The following CACNG7 variants were observed in gnomAD, a reference collection of about 807,000 sequenced individuals.
CACNG7 encodes calcium voltage-gated channel auxiliary subunit gamma 7.
A neutral mutation model predicts 26.3 loss-of-function variants in CACNG7; 9 were observed. That is an observed-to-expected ratio of 0.34 (90% confidence interval 0.21 to 0.60). The LOEUF (loss-of-function observed/expected upper bound fraction) is 0.60, where lower values mean the gene tolerates loss of function less well. Ranked by LOEUF, CACNG7 falls within the 20% of genes least tolerant of loss-of-function variation. The pLI is 0.81. For missense variants in CACNG7, 297 were observed against 380.4 expected (o/e 0.78, Z 1.82); for synonymous variants, 170 against 157.0 (o/e 1.08, Z -0.62).
chr19:53,919,661 G>C (rs1290586484), intron 4 of CACNG7, among the ~76,000 whole-genome samples: 1 of 129,286 alleles, frequency 7.7e-6, no homozygotes, highest in Non-Finnish European at 1.6e-5. Flanking sequence ...TGGTGGAGTT[G>C]TCCCCAGGCC....
chr19:53,916,177 C>T (rs575743002), intron 4 of CACNG7, among the ~76,000 whole-genome samples: 20 of 152,324 alleles, frequency 1.3e-4, no homozygotes, highest in African/African-American at 4.8e-4. Flanking sequence ...CTACACTTCA[C>T]CCTACTTACG....
At chr19:53,919,734 T>G (rs2068924823) in intron 4 of CACNG7, among the ~76,000 whole-genome samples, 1 of 122,866 alleles carries the variant, frequency 8.1e-6, no homozygotes, top group Non-Finnish European at 1.6e-5. Flanking sequence ...TGGTCATTGG[T>G]GGAGTTGCCC....
At position 53,920,673 on chromosome 19, in the gene CACNG7, CCCAGGTCTGGTCATTGGTGGACTTGCT is replaced by C. The variant is rs1568773583; in HGVS notation, c.424+5190_424+5216del. On this transcript the variant is annotated intron_variant, in intron 4 of 5. Coordinates refer to ENST00000391767, the MANE Select transcript of CACNG7 (RefSeq NM_031896.5). ...CCAGGCTGGTCATTGGTGGAGTTGC[CCCAGGTCTGGTCATTGGTGGACTTGCT>C]CCAGGTCTGGTCATTGGTGGAGCTG... 5.6e-4 allele frequency among the ~76,000 whole-genome samples: 65 copies of C among 115,734 alleles called. 2 individuals are homozygous for C. The highest frequency in any genetic ancestry group is 8.4e-4 in the Non-Finnish European group (50 of 59,532). The allele number at this position is 115,734 out of a possible 152,430, so 75.9% of individuals were successfully genotyped here. A position where few individuals can be genotyped will look rare whatever the true frequency, so the allele number is the denominator to read the frequency against.
rs938599718 is a variant in CACNG7 at position 53,942,894 on chromosome 19, G to C, written c.*601G>C. ...TGGAAGCCACGGGTACGGTTAACCTGGCCCTTCCCTCCCCATCTCCCCTAC... is the reference window on the plus strand; with the variant it reads ...TGGAAGCCACGGGTACGGTTAACCTCGCCCTTCCCTCCCCATCTCCCCTAC... On this transcript the variant is annotated 3_prime_UTR_variant, in exon 6 of 6. Transcript: ENST00000391767. This position sits in a 1 kb window ranked among gnomAD's most constrained non-coding sequence, Gnocchi z 5.9. 6.5e-6 allele frequency: 1 copy of C among 152,682 alleles called. No individual in the cohort carries two copies. Among genetic ancestry groups the C allele is most frequent in the African/African-American group, 2.4e-5 (1 of 41,442 alleles). The allele number at this position is 152,682 out of a possible 1,614,324, so 9.5% of individuals were successfully genotyped here. A position where few individuals can be genotyped will look rare whatever the true frequency, so the allele number is the denominator to read the frequency against.
intron 4 of CACNG7, among the ~76,000 whole-genome samples, chr19:53,933,645 G>A (rs60516548): frequency 6.6e-6 from 1 of 151,432 alleles, no homozygotes; most frequent in Admixed American, 6.6e-5. Flanking sequence ...AAGAAGCTTA[G>A]ATGGATGCAG....
chr19:53,942,407 G>A lies in CACNG7; in HGVS notation c.*114G>A, dbSNP rs934303218. 2.0e-6 allele frequency: 3 copies of A among 1,506,506 alleles called. No homozygotes were observed. The highest frequency in any genetic ancestry group is 2.7e-6 in the Non-Finnish European group (3 of 1,131,796). The allele number at this position is 1,506,506 out of a possible 1,614,324, so 93.3% of individuals were successfully genotyped here. ...GACTCCTCGCTCCCACCCGGAGGAG[G>A]CTGCGCCAGCTTTAGGCCCCGCCCT... On this transcript the variant is annotated 3_prime_UTR_variant, in exon 6 of 6. Coordinates refer to ENST00000391767, the MANE Select transcript of CACNG7 (RefSeq NM_031896.5). This position sits in a 1 kb window ranked among gnomAD's most constrained non-coding sequence, Gnocchi z 5.9.
At chr19:53,914,039 G>T (rs1270806074) in intron 2 of CACNG7, among the ~76,000 whole-genome samples, 1 of 151,930 alleles carries the variant, frequency 6.6e-6, no homozygotes, top group African/African-American at 2.4e-5. Flanking sequence ...ACTTTGGGGG[G>T]CCAAGGCAGG....
chr19:53,921,365 T>TCCCCAGGTCTGTTCATTGGTGGAGTTG (rs2068949365), intron 4 of CACNG7, among the ~76,000 whole-genome samples: 24 of 112,450 alleles, frequency 2.1e-4, no homozygotes, highest in African/African-American at 1.0e-3. Context: ...GGTGGAGTCG[T>TCCCCAGGTCTGTTCATTGGTGGAGTTG]CCCCAGGTCT....
intron 4 of CACNG7, among the ~76,000 whole-genome samples, chr19:53,920,466 TC>T (rs2068935094): frequency 2.0e-5 from 1 of 50,368 alleles, no homozygotes. Flanking sequence ...CGTCCCCAGG[TC>T]TGGTCATTGG....
At chr19:53,936,671 G>C (rs1290584116) in intron 4 of CACNG7, among the ~76,000 whole-genome samples, 1 of 151,438 alleles carries the variant, frequency 6.6e-6, no homozygotes, top group Admixed American at 6.6e-5. Context: ...TGCAGTGGTG[G>C]GATCTCGGCT....
intron 4 of CACNG7, 86 bp from the exon 5 acceptor site, chr19:53,941,384 G>A (rs1395399057): frequency 3.5e-6 from 5 of 1,415,618 alleles, no homozygotes; most frequent in Non-Finnish European, 4.7e-6. Flanking sequence ...ACAGAATGGG[G>A]AGGAGGGGAA....
intron 1 of CACNG7, among the ~76,000 whole-genome samples, chr19:53,910,027 A>C (rs2068852783): frequency 6.6e-6 from 1 of 152,142 alleles, no homozygotes; most frequent in African/African-American, 2.4e-5. Flanking sequence ...AGGGTCCCAA[A>C]GGAGGAAAGG....
Position 53,942,226 on chromosome 19 carries a change from T to G in CACNG7, c.761T>G (p.Met254Arg), listed in dbSNP as rs753780492. Residue 254 changes from methionine (M) to arginine (R), a missense_variant, in exon 6 of 6, where the codon ATG becomes AGG. Transcript: ENST00000391767. The surrounding 1 kb of genome is among the most constrained non-coding windows in gnomAD (Gnocchi z 5.9). ...SDISSDVSIQ[M>R]TQNYPPAIKY... Reference sequence around the variant, plus strand: ...ATCTCCAGCGACGTGTCCATCCAAATGACGCAGAACTACCCTCCCGCCATC... The same window carrying G: ...ATCTCCAGCGACGTGTCCATCCAAAGGACGCAGAACTACCCTCCCGCCATC... 5.0e-6 allele frequency: 8 copies of G among 1,613,896 alleles called. No individual in the cohort carries two copies. The highest frequency in any genetic ancestry group is 6.8e-6 in the Non-Finnish European group (8 of 1,179,910).
At position 53,939,066 on chromosome 19, in the gene CACNG7, G is replaced by A. The variant is rs2069122375; in HGVS notation, c.425-2404G>A. 6.6e-6 allele frequency among the ~76,000 whole-genome samples: 1 copy of A among 152,194 alleles called. No homozygotes were observed. Among genetic ancestry groups the A allele is most frequent in the South Asian group, 2.1e-4 (1 of 4,834 alleles). On this transcript the variant is annotated intron_variant, in intron 4 of 5. Coordinates refer to ENST00000391767, the MANE Select transcript of CACNG7 (RefSeq NM_031896.5). This position sits in a 1 kb window ranked among gnomAD's most constrained non-coding sequence, Gnocchi z 4.2. ...AAGGTCAGGAGTTTGAGACCAGCCT[G>A]GTCAACATTGTGAAGCCCTGTCTCT...
Position 53,942,233 on chromosome 19 carries a change from G to A in CACNG7, c.768G>A (p.Gln256=). 1 of 1,613,962 alleles carries A rather than the reference G, an allele frequency of 6.2e-7. No homozygotes were observed. Among genetic ancestry groups the A allele is most frequent in the Non-Finnish European group, 8.5e-7 (1 of 1,179,950 alleles). Reference sequence around the variant, plus strand: ...GCGACGTGTCCATCCAAATGACGCAGAACTACCCTCCCGCCATCAAGTACC... The same window carrying A: ...GCGACGTGTCCATCCAAATGACGCAAAACTACCCTCCCGCCATCAAGTACC... The part of the protein sequence containing the change: ...ISSDVSIQMT[Q]NYPPAIKYPD... The change falls in exon 6 of 6, where the codon CAG becomes CAA. Residue 256 remains glutamine, a synonymous_variant. Transcript: ENST00000391767. The surrounding 1 kb of genome is among the most constrained non-coding windows in gnomAD (Gnocchi z 5.9).
intron 4 of CACNG7, among the ~76,000 whole-genome samples, chr19:53,933,289 C>A (rs1285085037): frequency 6.7e-6 from 1 of 150,168 alleles, no homozygotes; most frequent in Non-Finnish European, 1.5e-5. Context: ...CGCCACCACG[C>A]CTGGCCAATT....
At chr19:53,923,965 G>C (rs551229909) in intron 4 of CACNG7, among the ~76,000 whole-genome samples, 31 of 138,840 alleles carry the variant, frequency 2.2e-4, no homozygotes, top group Non-Finnish European at 2.6e-4. Context: ...CCCAGGTCTG[G>C]TATTGGTGGA....
chr19:53,927,448 T>C (rs1164629461), intron 4 of CACNG7, among the ~76,000 whole-genome samples: 1 of 152,046 alleles, frequency 6.6e-6, no homozygotes, highest in African/African-American at 2.4e-5. Context: ...GACAGCTAAG[T>C]TGATGCCGAA....
intron 1 of CACNG7, among the ~76,000 whole-genome samples, chr19:53,911,040 T>TTGGTGATGG (rs1555809413): frequency 5.3e-5 from 8 of 150,210 alleles, no homozygotes; most frequent in African/African-American, 1.7e-4. Context: ...GGATGCTGGA[T>TTGGTGATGG]TGGTGGTGGT....
Sources: gnomAD v4.1 joint callset for allele counts (sites outside exome capture counted in the v4.1 genomes callset) on GRCh38, gnomAD v4.1.1 for gene constraint, Gnocchi (gnomAD v3.1) non-coding constraint, MANE v1.5 for transcripts, NCBI Gene and HGNC (gene_info 2026-07-23, HGNC 2026-07-21) for gene names.